Variants in GALNT8 observed in about 807,000 individuals in gnomAD.
GALNT8 encodes the protein probable polypeptide N-acetylgalactosaminyltransferase 8.
A neutral mutation model predicts 62.7 loss-of-function variants in GALNT8; 66 were observed. The observed-to-expected ratio is 1.05, with a 90% confidence interval of 0.86 to 1.29. GALNT8 has a LOEUF of 1.29. Among genes scored for constraint, GALNT8 ranks in the 50% most tolerant of loss-of-function variants. The pLI is 0.00. For missense variants in GALNT8, 771 were observed against 791.8 expected (o/e 0.97, Z 0.32); for synonymous variants, 288 against 294.3 (o/e 0.98, Z 0.22).
intron 3 of GALNT8, among the ~76,000 whole-genome samples, chr12:4,740,568 A>T (rs1946267766): frequency 6.6e-6 from 1 of 151,752 alleles, no homozygotes. Flanking sequence ...GGATTATAGG[A>T]GTATGCCACC....
At chr12:4,755,272 T>A (rs1169686312) in intron 6 of GALNT8, among the ~76,000 whole-genome samples, 3 of 152,242 alleles carry the variant, frequency 2.0e-5, no homozygotes, top group Admixed American at 1.3e-4. Context: ...AAGGTCCTAC[T>A]TCTGGGATCA....
At chr12:4,759,588 C>T (rs1946362551) in intron 6 of GALNT8, among the ~76,000 whole-genome samples, 2 of 150,808 alleles carry the variant, frequency 1.3e-5, no homozygotes, top group African/African-American at 4.9e-5. Context: ...AAATAGGGTG[C>T]AAAGGAAGGG....
At chr12:4,724,897 G>A (rs1430156023) in intron 1 of GALNT8, among the ~76,000 whole-genome samples, 5 of 152,106 alleles carry the variant, frequency 3.3e-5, no homozygotes, top group East Asian at 1.9e-4. Flanking sequence ...CAGCACACAC[G>A]TTCTGCTTGC....
intron 2 of GALNT8, among the ~76,000 whole-genome samples, chr12:4,731,104 G>A (rs1268391237): frequency 6.6e-6 from 1 of 151,740 alleles, no homozygotes; most frequent in Non-Finnish European, 1.5e-5. Context: ...CCAAAGTGCT[G>A]GGATTACAAG....
At chr12:4,756,987 T>C (rs1946348157) in intron 6 of GALNT8, among the ~76,000 whole-genome samples, 2 of 152,128 alleles carry the variant, frequency 1.3e-5, no homozygotes, top group African/African-American at 4.8e-5. Context: ...TTTCCCCAGG[T>C]GGTTCTCCTG....
At chr12:4,737,846 A>G (rs760334469) in intron 2 of GALNT8, among the ~76,000 whole-genome samples, 3 of 152,202 alleles carry the variant, frequency 2.0e-5, no homozygotes, top group Non-Finnish European at 4.4e-5. Context: ...ACCTTCTGCC[A>G]TGTTATAATG....
At chr12:4,756,947 GT>G (rs1192861444) in intron 6 of GALNT8, among the ~76,000 whole-genome samples, 8 of 152,206 alleles carry the variant, frequency 5.3e-5, no homozygotes, top group Admixed American at 3.3e-4. Flanking sequence ...GAGAGACCAG[GT>G]GGAGGTCATT....
chr12:4,736,680 T>A (rs1183073458), intron 2 of GALNT8, among the ~76,000 whole-genome samples: 1 of 151,296 alleles, frequency 6.6e-6, no homozygotes, highest in African/African-American at 2.4e-5. Flanking sequence ...GCAAATTAGT[T>A]TAACTAGGTT....
chr12:4,769,866 A>T (rs1946415211), intron 10 of GALNT8, among the ~76,000 whole-genome samples: 2 of 152,076 alleles, frequency 1.3e-5, no homozygotes, highest in South Asian at 4.1e-4. Flanking sequence ...CTGAGCCCTG[A>T]CCATTTATTT....
At chr12:4,763,459 C>T (rs767438244) in intron 8 of GALNT8, 69 bp downstream of exon 8, 9 of 1,308,060 alleles carry the variant, frequency 6.9e-6, no homozygotes, top group African/African-American at 1.5e-5. Context: ...GCCTGAATCT[C>T]GTGATTGCCT....
intron 10 of GALNT8, among the ~76,000 whole-genome samples, chr12:4,768,813 G>T (rs1202049255): frequency 6.6e-6 from 1 of 152,206 alleles, no homozygotes; most frequent in East Asian, 1.9e-4. Flanking sequence ...ATACTTGATT[G>T]AATGTTGGGC....
chr12:4,758,612 G>C (rs1004847724), intron 6 of GALNT8, among the ~76,000 whole-genome samples: 2 of 74,646 alleles, frequency 2.7e-5, no homozygotes, highest in South Asian at 7.7e-4. Flanking sequence ...GTCTCTGTGT[G>C]TGTGTGTGTG....
intron 10 of GALNT8, among the ~76,000 whole-genome samples, chr12:4,766,854 A>G (rs1193705239): frequency 1.3e-5 from 2 of 151,934 alleles, no homozygotes; most frequent in African/African-American, 4.8e-5. Flanking sequence ...ATTCATTGCT[A>G]GCTATGGAGT....
At chr12:4,734,930 A>G (rs1946237976) in intron 2 of GALNT8, among the ~76,000 whole-genome samples, 1 of 152,182 alleles carries the variant, frequency 6.6e-6, no homozygotes, top group South Asian at 2.1e-4. Flanking sequence ...GCCAACATAC[A>G]TGTTGTGAGC....
Position 4,763,381 on chromosome 12 carries a change from C to T in GALNT8, c.1488C>T (p.Gly496=). The T allele has an allele frequency of 6.2e-7, 1 of 1,611,776 alleles. No homozygotes were observed. Among genetic ancestry groups the T allele is most frequent in the Non-Finnish European group, 8.5e-7 (1 of 1,178,144 alleles). Residue 496 remains glycine (G), a synonymous_variant, in exon 8 of 11, where the codon GGC becomes GGT. Coordinates refer to ENST00000252318, the MANE Select transcript of GALNT8 (RefSeq NM_017417.2). The part of the protein sequence containing the change: ...PLLKPLHTIV[G]YGRMKNLLDE... ...TGAAGCCACTCCACACCATCGTGGG[C>T]TATGGAAGAGTATGTATTATGAAAT...
Position 4,760,977 on chromosome 12 carries a change from A to C in GALNT8, c.1193A>C (p.Lys398Thr), listed in dbSNP as rs759042813. Reference sequence around the variant, plus strand: ...CTGCAGGTGTGGCAGTGTGGAGGGAAGGTCGAGATTTTGCCCTGTTCCCGG... The same window carrying C: ...CTGCAGGTGTGGCAGTGTGGAGGGACGGTCGAGATTTTGCCCTGTTCCCGG... ...LSLRVWQCGG[K>T]VEILPCSRIA... Residue 398 changes from lysine (K) to threonine (T), a missense_variant, in exon 7 of 11, where the codon AAG becomes ACG. Lys to Thr is a moderately conservative substitution (Grantham distance 78, BLOSUM62 -1). Coordinates refer to ENST00000252318, the MANE Select transcript of GALNT8 (RefSeq NM_017417.2). 46 of 1,613,982 alleles carry C rather than the reference A, an allele frequency of 2.9e-5. No individual in the cohort carries two copies. Among genetic ancestry groups the C allele is most frequent in the Non-Finnish European group, 3.9e-5 (46 of 1,179,982 alleles).
At chr12:4,763,107 A>G (rs1232195713) in intron 7 of GALNT8, 146 bp from the exon 8 acceptor site, 4 of 653,446 alleles carry the variant, frequency 6.1e-6, no homozygotes, top group East Asian at 2.7e-5. Context: ...TAGGGTTTCA[A>G]TCTTGTCTAT....
chr12:4,744,754 C>G, intron 4 of GALNT8, 54 bp downstream of exon 4: 1 of 1,197,486 alleles, frequency 8.4e-7, no homozygotes, highest in South Asian at 1.4e-5. Flanking sequence ...AGATATTGTG[C>G]ATGTACTGAA....
intron 6 of GALNT8, among the ~76,000 whole-genome samples, chr12:4,750,591 T>C (rs572331571): frequency 1.3e-5 from 2 of 152,346 alleles, no homozygotes; most frequent in African/African-American, 2.4e-5. Flanking sequence ...CAGTCTATCA[T>C]TGATGGGCAT....
Sources: allele counts gnomAD v4.1 joint callset (sites outside exome capture counted in the v4.1 genomes callset), GRCh38; gene constraint gnomAD v4.1.1; transcripts MANE v1.5; gene names NCBI Gene and HGNC (gene_info 2026-07-23, HGNC 2026-07-21).